The following CD36 variants were observed in gnomAD, a reference collection of about 807,000 sequenced individuals.
The protein encoded by CD36 is platelet glycoprotein 4.
CD36 carries 119 observed loss-of-function variants against 55.2 expected under a neutral mutation model. The observed-to-expected ratio is 2.15, with a 90% CI of 1.86 to 2.51. The LOEUF (loss-of-function observed/expected upper bound fraction) is 2.51. CD36 is among the 30% of genes most tolerant of loss of function. CD36 has a pLI of 0.00. For missense variants in CD36, 819 were observed against 555.5 expected (o/e 1.47, Z -4.77); for synonymous variants, 186 against 193.6 (o/e 0.96, Z 0.33).
At chr7:80,672,684 C>A in intron 11 of CD36, 86 bp from the exon 12 acceptor site, 2 of 901,726 alleles carry the variant, frequency 2.2e-6, no homozygotes, top group Non-Finnish European at 3.6e-6. Context: ...TTACTACCTT[C>A]TCTTCTGCTG....
intron 4 of CD36, 110 bp from the exon 5 acceptor site, chr7:80,660,953 A>G (rs950121589): frequency 2.7e-5 from 22 of 827,746 alleles, no homozygotes; most frequent in African/African-American, 2.5e-4. Flanking sequence ...CATACTATCT[A>G]TCTGGCATAT....
chr7:80,666,629 T>C, intron 8 of CD36, 140 bp downstream of exon 8: 2 of 713,454 alleles, frequency 2.8e-6, no homozygotes, highest in South Asian at 3.0e-5. Flanking sequence ...TCAGAGTCAC[T>C]ATTTGTATAT....
At chr7:80,615,780 T>C (rs538686509) in intron 1 of CD36, among the ~76,000 whole-genome samples, 1 of 152,300 alleles carries the variant, frequency 6.6e-6, no homozygotes, top group South Asian at 2.1e-4. Context: ...GGCGGGAAGC[T>C]TCATGAAAAC....
chr7:80,644,252 T>A (rs1795000830), intron 1 of CD36, among the ~76,000 whole-genome samples: 1 of 152,164 alleles, frequency 6.6e-6, no homozygotes, highest in Admixed American at 6.5e-5. Flanking sequence ...CACTCCACCC[T>A]GAACAATTAA....
rs922953342 is a variant in CD36 at position 80,656,708 on chromosome 7, A to G, written c.281+8A>G. 1.9e-6 allele frequency: 3 copies of G among 1,611,678 alleles called. No homozygotes were observed. Among genetic ancestry groups the G allele is most frequent in the Non-Finnish European group, 2.5e-6 (3 of 1,178,034 alleles). ...AGGTCCTTATACGTACAGGTGAGTG[A>G]GTCCCCACAAATATGAGACACTCTT... On this transcript the variant is annotated splice_region_variant and intron_variant, in intron 4 of 14. Coordinates refer to ENST00000447544, the MANE Select transcript of CD36 (RefSeq NM_001001548.3).
chr7:80,646,913 C>CT (rs1795211362), intron 3 of CD36, 53 bp downstream of exon 3: 5 of 1,598,454 alleles, frequency 3.1e-6, no homozygotes, highest in Non-Finnish European at 4.3e-6. Context: ...TCTAACTTCT[C>CT]TTTTTTTGCT....
intron 3 of CD36, among the ~76,000 whole-genome samples, chr7:80,655,946 G>T (rs1472790421): frequency 6.6e-6 from 1 of 151,044 alleles, no homozygotes; most frequent in East Asian, 2.0e-4. Context: ...AAAAGAAAAA[G>T]AAAAAGGTTA....
chr7:80,648,994 G>T (rs1759609382), intron 3 of CD36, among the ~76,000 whole-genome samples: 1 of 152,072 alleles, frequency 6.6e-6, no homozygotes, highest in Non-Finnish European at 1.5e-5. Context: ...AGCAAGCTTA[G>T]AACATCAGGC....
At chr7:80,626,578 A>G (rs1189492437) in intron 1 of CD36, among the ~76,000 whole-genome samples, 1 of 152,106 alleles carries the variant, frequency 6.6e-6, no homozygotes, top group Non-Finnish European at 1.5e-5. Context: ...AGATAAATTT[A>G]TGTATGTATA....
intron 1 of CD36, among the ~76,000 whole-genome samples, chr7:80,628,944 A>G (rs1334702503): frequency 2.0e-5 from 3 of 152,082 alleles, no homozygotes; most frequent in Non-Finnish European, 4.4e-5. Context: ...TCTCCAAAGA[A>G]GGCAATCAGA....
intron 8 of CD36, among the ~76,000 whole-genome samples, chr7:80,667,454 G>A (rs952586542): frequency 7.0e-6 from 1 of 142,726 alleles, no homozygotes. Context: ...AAAAAAAAGT[G>A]GTGGGAATCG....
chr7:80,674,768 C>T (rs1798089473), intron 14 of CD36, among the ~76,000 whole-genome samples: 1 of 151,914 alleles, frequency 6.6e-6, no homozygotes, highest in South Asian at 2.1e-4. Flanking sequence ...ATTGGTGTTG[C>T]CTGTGGGGGA....
At chr7:80,664,850 G>C (rs1796890530) in intron 7 of CD36, among the ~76,000 whole-genome samples, 1 of 47,828 alleles carries the variant, frequency 2.1e-5, no homozygotes, top group African/African-American at 4.4e-5. Context: ...TAAATGAAAA[G>C]GTAAAAAAAA....
At chr7:80,636,149 C>T (rs1012874823), upstream of CD36, among the ~76,000 whole-genome samples, 5 of 151,966 alleles carry the variant, frequency 3.3e-5, no homozygotes, top group African/African-American at 1.2e-4. Context: ...GATAAGTGAC[C>T]TGTGGAAAAT....
chr7:80,673,444 C>T (rs1325504103), intron 13 of CD36, 35 bp downstream of exon 13: 1 of 1,244,242 alleles, frequency 8.0e-7, no homozygotes, highest in Non-Finnish European at 1.2e-6. Context: ...TTAAAAACAA[C>T]CTTCTTTGTA....
chr7:80,651,679 G>A (rs1185505857), intron 3 of CD36, among the ~76,000 whole-genome samples: 6 of 152,022 alleles, frequency 3.9e-5, no homozygotes, highest in Admixed American at 2.6e-4. Flanking sequence ...AGGCTGAGAC[G>A]GGTGGATCAC....
chr7:80,604,817 C>T (rs1036370568), intron 1 of CD36, among the ~76,000 whole-genome samples: 2 of 151,920 alleles, frequency 1.3e-5, no homozygotes, highest in Admixed American at 6.6e-5. Flanking sequence ...ATAAATATTA[C>T]TTTTCTCATT....
intron 1 of CD36, among the ~76,000 whole-genome samples, chr7:80,630,591 T>C (rs990817187): frequency 1.3e-5 from 2 of 152,082 alleles, no homozygotes; most frequent in African/African-American, 2.4e-5. Flanking sequence ...GCTTTTAATT[T>C]GGGATTCCAG....
At chr7:80,647,829 C>T (rs115277067) in intron 3 of CD36, among the ~76,000 whole-genome samples, 15 of 152,176 alleles carry the variant, frequency 9.9e-5, no homozygotes, top group East Asian at 3.9e-4. Context: ...CCAAATAAAA[C>T]GAGTTCTGCC....
Sources: allele counts gnomAD v4.1 joint callset (sites outside exome capture counted in the v4.1 genomes callset), GRCh38; gene constraint gnomAD v4.1.1; transcripts MANE v1.5; gene names NCBI Gene and HGNC (gene_info 2026-07-23, HGNC 2026-07-21).